Variants in GPR137B observed in about 807,000 individuals in gnomAD.
The protein encoded by GPR137B is G protein-coupled receptor 137B, also known as integral membrane protein GPR137B.
GPR137B carries 42 observed loss-of-function variants against 42.5 expected under a neutral mutation model. The observed-to-expected ratio is 0.99, with a 90% CI of 0.77 to 1.28. The LOEUF is 1.28. Ranked by LOEUF, GPR137B falls within the 50% of genes most tolerant of loss-of-function variation. GPR137B has a pLI of 0.00. For synonymous variants in GPR137B, 218 were observed against 209.7 expected (o/e 1.04, Z -0.34); for missense variants, 487 against 493.9 (o/e 0.99, Z 0.13).
intron 2 of GPR137B, among the ~76,000 whole-genome samples, chr1:236,170,256 T>A (rs924379897): frequency 4.6e-5 from 7 of 152,178 alleles, no homozygotes; most frequent in South Asian, 2.1e-4. Context: ...TGTCATTTTT[T>A]AAAATATGTT....
intron 1 of GPR137B, among the ~76,000 whole-genome samples, chr1:236,161,955 C>T (rs772239487): frequency 3.3e-5 from 5 of 151,970 alleles, no homozygotes; most frequent in Non-Finnish European, 7.4e-5. Context: ...GAAAAGATAC[C>T]CAAAAATGTG....
At position 236,186,021 on chromosome 1, in the gene GPR137B, T is replaced by C. The variant is rs74410494; in HGVS notation, c.966+2115T>C. ...CGACTTTCATATGAATGGAATCATA[T>C]GGCATGTGGGTTTTTTGACTGGCTT... On this transcript the variant is annotated intron_variant, in intron 5 of 6. Transcript: ENST00000366592. Among the ~76,000 whole-genome samples, 739 of 151,408 alleles carry C rather than the reference T, an allele frequency of 4.9e-3. 8 individuals carry two copies. Among genetic ancestry groups the C allele is most frequent in the African/African-American group, 0.017 (699 of 41,246 alleles).
intron 2 of GPR137B, among the ~76,000 whole-genome samples, chr1:236,176,055 G>A (rs536434922): frequency 6.6e-6 from 1 of 152,200 alleles, no homozygotes; most frequent in African/African-American, 2.4e-5. Context: ...CTTAGTGGGA[G>A]CCCGGCATGG....
intron 6 of GPR137B, among the ~76,000 whole-genome samples, chr1:236,205,874 C>A (rs1194609359): frequency 6.6e-6 from 1 of 152,182 alleles, no homozygotes; most frequent in Non-Finnish European, 1.5e-5. Context: ...CCGAGCGAGC[C>A]TGTAATATGC....
chr1:236,153,835 G>T (rs1208832823), intron 1 of GPR137B, among the ~76,000 whole-genome samples: 1 of 152,180 alleles, frequency 6.6e-6, no homozygotes, highest in Non-Finnish European at 1.5e-5. Context: ...AGTGGTTTTT[G>T]CTGCTATTTA....
intron 4 of GPR137B, among the ~76,000 whole-genome samples, chr1:236,180,356 C>T (rs1327650830): frequency 4.7e-5 from 7 of 150,316 alleles, no homozygotes; most frequent in African/African-American, 7.5e-5. Flanking sequence ...ATGTGGAACC[C>T]GCTGATATGG....
chr1:236,203,449 G>A (rs1174249082), intron 5 of GPR137B, among the ~76,000 whole-genome samples: 1 of 152,134 alleles, frequency 6.6e-6, no homozygotes, highest in African/African-American at 2.4e-5. Context: ...TTGAAGTCAG[G>A]TCATGTTGAT....
In GPR137B at chr1:236,142,660, C is replaced by A; in HGVS notation, c.38C>A (p.Pro13His). 2.0e-6 allele frequency: 3 copies of A among 1,531,628 alleles called. No individual in the cohort carries two copies. The highest frequency in any genetic ancestry group is 2.6e-6 in the Non-Finnish European group (3 of 1,144,516). 94.9% of individuals were successfully genotyped at this position (1,531,628 alleles called of 1,614,324 possible). A position where few individuals can be genotyped will look rare whatever the true frequency, so the allele number is the denominator to read the frequency against. Residue 13 changes from proline to histidine, a missense_variant, in exon 1 of 7, where the codon CCC (proline) becomes CAC (histidine). Transcript: ENST00000366592. ...PERPRPRGSA[P>H]GPMETPPWDP... ...CGTCCCCGGCCGCGCGGCAGCGCCC[C>A]CGGCCCGATGGAGACCCCGCCGTGG...
At position 236,163,694 on chromosome 1, in the gene GPR137B, A is replaced by G. The variant is rs1431685081; in HGVS notation, c.415-5012A>G. On this transcript the variant is annotated intron_variant, in intron 1 of 6. Transcript: ENST00000366592. ...CTCATTTTTTTCTCTTGCTGCTGCC[A>G]TGTAAGAAGTGCCTTTCGCCACCCA... Among the ~76,000 whole-genome samples, 5 of 152,096 alleles carry G rather than the reference A, an allele frequency of 3.3e-5. No individual in the cohort carries two copies. The South Asian group carries it at 1.0e-3, about 31-fold the overall frequency.
At chr1:236,199,300 T>C (rs1313139791) in intron 5 of GPR137B, among the ~76,000 whole-genome samples, 1 of 152,214 alleles carries the variant, frequency 6.6e-6, no homozygotes, top group Non-Finnish European at 1.5e-5. Flanking sequence ...TTCAGTTAGC[T>C]ATTAATATTT....
rs1335242668 is a variant in GPR137B, at chr1:236,178,403, A to T, written c.465-11A>T. On this transcript the variant is annotated splice_polypyrimidine_tract_variant and intron_variant, in intron 2 of 6. Transcript: ENST00000366592. ...GATGTGCAGCTGACAAGTTGCTCTCATGCCTTCCAGGTTGCCCCTCTACCT... is the reference window on the plus strand; with the variant it reads ...GATGTGCAGCTGACAAGTTGCTCTCTTGCCTTCCAGGTTGCCCCTCTACCT... 1 of 1,574,498 alleles carries T rather than the reference A, an allele frequency of 6.4e-7. No individual in the cohort carries two copies. Among genetic ancestry groups the T allele is most frequent in the African/African-American group, 1.4e-5 (1 of 74,070 alleles).
At position 236,208,445 on chromosome 1, in the gene GPR137B, G is replaced by A; in HGVS notation, c.*287G>A. ...GTATAACTTAAATAATAATGCTAAA[G>A]TATACTAGGGTTTTTTTTTCTTGAG... On this transcript the variant is annotated 3_prime_UTR_variant, in exon 7 of 7. Coordinates refer to ENST00000366592, the MANE Select transcript of GPR137B (RefSeq NM_003272.4). 1 of 902,816 alleles carries A rather than the reference G, an allele frequency of 1.1e-6. No homozygotes were observed. Among genetic ancestry groups the A allele is most frequent in the Non-Finnish European group, 1.4e-6 (1 of 722,498 alleles). The allele number at this position is 902,816 out of a possible 1,614,324, so 55.9% of individuals were successfully genotyped here.
chr1:236,151,919 A>G (rs1485597643), intron 1 of GPR137B, among the ~76,000 whole-genome samples: 3 of 152,076 alleles, frequency 2.0e-5, no homozygotes, highest in African/African-American at 4.8e-5. Flanking sequence ...TTGTCCCATC[A>G]GGCTGTGTGA....
Position 236,150,392 on chromosome 1 carries a change from G to A in GPR137B, c.414+7356G>A, listed in dbSNP as rs902170159. Among the ~76,000 whole-genome samples, 2 of 152,054 alleles carry A rather than the reference G, an allele frequency of 1.3e-5. No individual in the cohort carries two copies. Among genetic ancestry groups the A allele is most frequent in the African/African-American group, 4.8e-5 (2 of 41,390 alleles). The stretch of plus-strand genomic sequence containing the variant: ...TTTCTTGGTCTGCCGTTCACCCCCA[G>A]CACCTCCCGCAGGCCACTTTCTAAA... On this transcript the variant is annotated intron_variant, in intron 1 of 6. Transcript: ENST00000366592. The surrounding 1 kb of genome is among the most constrained non-coding windows in gnomAD (Gnocchi z 6.2).
intron 6 of GPR137B, among the ~76,000 whole-genome samples, chr1:236,206,653 G>C (rs1663672003): frequency 6.6e-6 from 1 of 152,224 alleles, no homozygotes; most frequent in Non-Finnish European, 1.5e-5. Context: ...AACCATAGCA[G>C]AGATCCACCC....
chr1:236,164,184 A>G (rs1184124387), intron 1 of GPR137B, among the ~76,000 whole-genome samples: 2 of 152,132 alleles, frequency 1.3e-5, no homozygotes, highest in African/African-American at 4.8e-5. Flanking sequence ...CCTTTTTACA[A>G]TTCTTGGGTC....
chr1:236,190,148 C>CTTCTTTTT (rs61093509), intron 5 of GPR137B, among the ~76,000 whole-genome samples: 19 of 119,394 alleles, frequency 1.6e-4, no homozygotes, highest in African/African-American at 4.1e-4. Flanking sequence ...CCTGCTTCTT[C>CTTCTTTTT]TTTTTTTTTT....
In GPR137B at chr1:236,200,799, C is replaced by T. The variant is rs1249034765; in HGVS notation, c.967-4327C>T. Among the ~76,000 whole-genome samples, 5 of 151,962 alleles carry T rather than the reference C, an allele frequency of 3.3e-5. No homozygotes were observed. The East Asian group carries it at 9.6e-4, about 29-fold the overall frequency. On this transcript the variant is annotated intron_variant, in intron 5 of 6. Transcript: ENST00000366592. The stretch of plus-strand genomic sequence containing the variant: ...ATTTGTGGATTTTTACCTAGTCTGC[C>T]ATTCTGTATCTTTTAAATGGAGCAT...
At chr1:236,179,831 G>T in intron 3 of GPR137B, 48 bp from the exon 4 acceptor site, 3 of 1,432,410 alleles carry the variant, frequency 2.1e-6, no homozygotes, top group Non-Finnish European at 2.8e-6. Context: ...GAAGGGGCTG[G>T]TGTCTTGGAC....
Sources: allele counts gnomAD v4.1 joint callset (sites outside exome capture counted in the v4.1 genomes callset), GRCh38; gene constraint gnomAD v4.1.1; non-coding constraint Gnocchi (gnomAD v3.1); transcripts MANE v1.5; gene names NCBI Gene and HGNC (gene_info 2026-07-23, HGNC 2026-07-21).